The following TFEC variants were observed in gnomAD, a reference collection of about 807,000 sequenced individuals.
TFEC encodes the protein class E basic helix-loop-helix protein 34.
A neutral mutation model predicts 41.6 loss-of-function variants in TFEC; 31 were observed. That is an observed-to-expected ratio of 0.74 (90% CI 0.56 to 1.01). The LOEUF (loss-of-function observed/expected upper bound fraction) is 1.01. TFEC is among the 50% of genes least tolerant of loss of function. The pLI, the probability that TFEC is intolerant of heterozygous loss-of-function variation, is 0.00. For missense variants in TFEC, 402 were observed against 404.1 expected, an observed-to-expected ratio of 0.99 and a Z score of 0.04; for synonymous variants, 143 against 140.6, an observed-to-expected ratio of 1.02 and a Z score of -0.12.
intron 3 of TFEC, among the ~76,000 whole-genome samples, chr7:115,964,782 T>TAAG (rs1792757733): frequency 1.3e-5 from 2 of 151,592 alleles, no homozygotes; most frequent in African/African-American, 4.8e-5. Context: ...GCCAAGGTAA[T>TAAG]AAGGTAAGAG....
chr7:116,081,441 T>C (rs1429411324), intron 3 of TFEC, among the ~76,000 whole-genome samples: 1 of 152,070 alleles, frequency 6.6e-6, no homozygotes, highest in Non-Finnish European at 1.5e-5. Context: ...TATCAAATCC[T>C]CTGCAATCTA....
At chr7:116,159,320 T>A (rs996914907) in intron 1 of TFEC, among the ~76,000 whole-genome samples, 6 of 152,010 alleles carry the variant, frequency 3.9e-5, no homozygotes, top group Non-Finnish European at 8.8e-5. Flanking sequence ...ATAACCATTT[T>A]GTCTTGTGTT....
chr7:116,151,121 A>C (rs992271921), intron 1 of TFEC, among the ~76,000 whole-genome samples: 5 of 152,198 alleles, frequency 3.3e-5, no homozygotes, highest in Admixed American at 6.5e-5. Context: ...ATATGAAAAT[A>C]AAGAAATATG....
intron 1 of TFEC, among the ~76,000 whole-genome samples, chr7:116,010,679 C>G (rs887381328): frequency 1.3e-5 from 2 of 152,088 alleles, no homozygotes; most frequent in Admixed American, 6.6e-5. Flanking sequence ...GACAAGAAGG[C>G]TTAGAACTAA....
intron 1 of TFEC, among the ~76,000 whole-genome samples, chr7:116,147,193 G>C (rs1798659303): frequency 6.6e-6 from 1 of 152,156 alleles, no homozygotes; most frequent in Admixed American, 6.5e-5. Flanking sequence ...CACAAATATA[G>C]TGACAGACAT....
chr7:116,040,628 G>C (rs1195188761), intron 3 of TFEC, among the ~76,000 whole-genome samples: 1 of 152,060 alleles, frequency 6.6e-6, no homozygotes, highest in Admixed American at 6.6e-5. Context: ...ACACAGTATT[G>C]TATTGGTCAG....
At chr7:115,992,497 A>T (rs1794167352) in intron 1 of TFEC, among the ~76,000 whole-genome samples, 2 of 152,224 alleles carry the variant, frequency 1.3e-5, no homozygotes, top group South Asian at 4.1e-4. Flanking sequence ...AGAATCAAAT[A>T]GATGCAATAA....
chr7:116,057,031 T>C (rs1584462509), intron 3 of TFEC, among the ~76,000 whole-genome samples: 1 of 151,752 alleles, frequency 6.6e-6, no homozygotes, highest in Non-Finnish European at 1.5e-5. Context: ...CAAAATACGC[T>C]GGATGGAAAT....
In TFEC at chr7:115,950,855, A is replaced by G. The variant is rs1354749685; in HGVS notation, c.515+19T>C. 1.7e-5 allele frequency: 26 copies of G among 1,574,434 alleles called. No homozygotes were observed. Among genetic ancestry groups the G allele is most frequent in the Non-Finnish European group, 2.2e-5 (25 of 1,154,902 alleles). On this transcript the variant is annotated intron_variant, in intron 6 of 7. Transcript: ENST00000265440. ...TCTTTAAATTATAACATTATTATAG[A>G]AATGATTGTTGAACTCACGGATCAT...
At chr7:116,114,696 G>C (rs961763727) in intron 1 of TFEC, among the ~76,000 whole-genome samples, 24 of 151,942 alleles carry the variant, frequency 1.6e-4, no homozygotes, top group African/African-American at 5.8e-4. Flanking sequence ...CCTTTCTTCT[G>C]CCACCTAGAA....
chr7:116,090,048 G>A (rs1428926670), intron 3 of TFEC, among the ~76,000 whole-genome samples: 1 of 152,076 alleles, frequency 6.6e-6, no homozygotes. Flanking sequence ...TTCCTAGAAT[G>A]GAATTGAAAG....
intron 1 of TFEC, among the ~76,000 whole-genome samples, chr7:116,114,888 C>T (rs1797944239): frequency 6.6e-6 from 1 of 151,572 alleles, no homozygotes; most frequent in Non-Finnish European, 1.5e-5. Flanking sequence ...CCAAAGGAAA[C>T]CCCCCTCCCC....
intron 2 of TFEC, among the ~76,000 whole-genome samples, chr7:115,977,330 T>A (rs1193638155): frequency 6.6e-6 from 1 of 152,012 alleles, no homozygotes; most frequent in African/African-American, 2.4e-5. Flanking sequence ...ATAATAGGCA[T>A]AGAAAGTATA....
chr7:116,036,206 C>G (rs567057455), intron 3 of TFEC, among the ~76,000 whole-genome samples: 2 of 152,088 alleles, frequency 1.3e-5, no homozygotes, highest in Non-Finnish European at 2.9e-5. Flanking sequence ...ATAGTTCTGT[C>G]TTAGTTTTAT....
chr7:115,954,569 G>C lies in TFEC; in HGVS notation c.439+17C>G. ...TTTCCTTTTGCATTAATTTTATATG[G>C]AAAAATATATACTCACTGAGGTTGT... On this transcript the variant is annotated intron_variant, in intron 5 of 7. Coordinates refer to ENST00000265440, the MANE Select transcript of TFEC (RefSeq NM_012252.4). 6.2e-7 allele frequency: 1 copy of C among 1,601,794 alleles called. No individual in the cohort carries two copies.
chr7:115,986,371 G>A (rs1265463127), intron 1 of TFEC, among the ~76,000 whole-genome samples: 1 of 152,022 alleles, frequency 6.6e-6, no homozygotes, highest in Non-Finnish European at 1.5e-5. Context: ...GAGTTTAAAT[G>A]GCATACCTAT....
At chr7:115,946,643 TTCTTTTTC>T (rs924885439) in intron 6 of TFEC, among the ~76,000 whole-genome samples, 1 of 136,082 alleles carries the variant, frequency 7.3e-6, no homozygotes, top group African/African-American at 3.7e-5. Flanking sequence ...TCTCTTTATT[TTCTTTTTC>T]TTTCTTTCCT....
rs1288379174 is a variant in TFEC at position 115,938,003 on chromosome 7, T to C, written c.*2548A>G. 6 of 151,918 alleles carry C rather than the reference T, an allele frequency of 3.9e-5. No individual in the cohort carries two copies. The highest frequency in any genetic ancestry group is 1.4e-4 in the African/African-American group (6 of 41,436). 9.4% of individuals were successfully genotyped at this position (151,918 alleles called of 1,614,324 possible). ...CGGGACACAGCATAACTCTTTACTC[T>C]CTTTAAAAATTCATTACCCTTTTTA... On this transcript the variant is annotated 3_prime_UTR_variant, in exon 8 of 8. Coordinates refer to ENST00000265440, the MANE Select transcript of TFEC (RefSeq NM_012252.4).
At chr7:116,047,192 C>T (rs1338074956) in intron 3 of TFEC, among the ~76,000 whole-genome samples, 1 of 152,140 alleles carries the variant, frequency 6.6e-6, no homozygotes, top group Non-Finnish European at 1.5e-5. Flanking sequence ...GCCCATGGAG[C>T]AGGGCGGAGC....
Sources: gnomAD v4.1 joint callset for allele counts (sites outside exome capture counted in the v4.1 genomes callset) on GRCh38, gnomAD v4.1.1 for gene constraint, MANE v1.5 for transcripts, NCBI Gene and HGNC (gene_info 2026-07-23, HGNC 2026-07-21) for gene names.